RFX7: variants seen among roughly 807,000 people sequenced by gnomAD.
RFX7 encodes the protein DNA-binding protein RFX7.
RFX7 carries 26 observed loss-of-function variants against 111.8 expected under a neutral mutation model. The observed-to-expected ratio is 0.23, with a 90% CI of 0.17 to 0.32. The LOEUF (loss-of-function observed/expected upper bound fraction) is 0.32. RFX7 is among the 10% of genes least tolerant of loss of function. The probability of loss-of-function intolerance (pLI) is 1.00; values close to 1 mark genes in which losing one functional copy is unlikely to be tolerated. For missense variants in RFX7, 1,573 were observed against 1,772.9 expected, an observed-to-expected ratio of 0.89 and a Z score of 2.02; for synonymous variants, 624 against 624.4, an observed-to-expected ratio of 1.00 and a Z score of 0.01.
At chr15:56,120,339 GT>G (rs2042060802) in intron 5 of RFX7, among the ~76,000 whole-genome samples, 1 of 152,170 alleles carries the variant, frequency 6.6e-6, no homozygotes, top group African/African-American at 2.4e-5. Flanking sequence ...ATTTTTGTAT[GT>G]TGATATTGTA....
chr15:56,186,605 C>G (rs2043040908), intron 2 of RFX7, among the ~76,000 whole-genome samples: 1 of 151,812 alleles, frequency 6.6e-6, no homozygotes, highest in African/African-American at 2.4e-5. Context: ...TATACATATA[C>G]TATATGTATA....
At chr15:56,187,663 T>C (rs1478758494) in intron 2 of RFX7, among the ~76,000 whole-genome samples, 1 of 152,196 alleles carries the variant, frequency 6.6e-6, no homozygotes, top group Admixed American at 6.5e-5. Flanking sequence ...AATTTCTATA[T>C]GAACTACGCC....
At chr15:56,152,624 A>G (rs1400039518) in intron 3 of RFX7, among the ~76,000 whole-genome samples, 2 of 152,184 alleles carry the variant, frequency 1.3e-5, no homozygotes, top group Non-Finnish European at 2.9e-5. Context: ...TTGACACCCT[A>G]ACATCAAAAT....
In RFX7 at chr15:56,203,746, G is replaced by A. The variant is rs538668109; in HGVS notation, c.162-24443C>T. Among the ~76,000 whole-genome samples, 5 of 152,218 alleles carry A rather than the reference G, an allele frequency of 3.3e-5. No individual in the cohort carries two copies. In the East Asian group the frequency reaches 7.7e-4, roughly 23 times the overall value. ...CACCATGACAGTTTACAAATGCCAC[G>A]GCAATGTCAGGAAGTTACCCTATAT... On this transcript the variant is annotated intron_variant, in intron 2 of 9. Coordinates refer to ENST00000559447, the MANE Select transcript of RFX7 (RefSeq NM_022841.7).
At chr15:56,153,893 C>G (rs1419599107) in intron 3 of RFX7, among the ~76,000 whole-genome samples, 3 of 152,182 alleles carry the variant, frequency 2.0e-5, no homozygotes, top group South Asian at 2.1e-4. Flanking sequence ...TTAGAAAACC[C>G]CATCATCTCA....
chr15:56,221,222 C>T (rs1444296872), intron 2 of RFX7, among the ~76,000 whole-genome samples: 2 of 152,210 alleles, frequency 1.3e-5, no homozygotes, highest in African/African-American at 4.8e-5. Context: ...AAGAATGTCA[C>T]TGGTAGTTTG....
At chr15:56,243,341 G>GGGAA (rs1459674305) in intron 1 of RFX7, 54 bp from the exon 2 acceptor site, 1 of 998,826 alleles carries the variant, frequency 1.0e-6, no homozygotes, top group African/African-American at 1.8e-5. Context: ...GGAAGGGTGA[G>GGGAA]GGAAGAGACC....
At chr15:56,131,056 A>C (rs1051433104) in intron 5 of RFX7, among the ~76,000 whole-genome samples, 1 of 151,918 alleles carries the variant, frequency 6.6e-6, no homozygotes, top group African/African-American at 2.4e-5. Flanking sequence ...AAGAGTTCCA[A>C]TTCATTTTGC....
chr15:56,131,726 C>G (rs1311511108), intron 5 of RFX7, among the ~76,000 whole-genome samples: 2 of 152,134 alleles, frequency 1.3e-5, no homozygotes, highest in Non-Finnish European at 2.9e-5. Context: ...TACTTAACAT[C>G]AGTGAACTTA....
intron 2 of RFX7, among the ~76,000 whole-genome samples, chr15:56,219,190 G>A (rs1348252710): frequency 6.6e-6 from 1 of 151,962 alleles, no homozygotes; most frequent in East Asian, 1.9e-4. Context: ...AAATATTTAG[G>A]ATTTTATGTT....
chr15:56,183,349 TCCTA>T (rs1216521130), intron 2 of RFX7, among the ~76,000 whole-genome samples: 1 of 152,114 alleles, frequency 6.6e-6, no homozygotes, highest in Non-Finnish European at 1.5e-5. Flanking sequence ...ATTTAAGAAA[TCCTA>T]TCTAGCTAAG....
At chr15:56,243,339 G>T in intron 1 of RFX7, 52 bp from the exon 2 acceptor site, 4 of 994,182 alleles carry the variant, frequency 4.0e-6, no homozygotes, top group Non-Finnish European at 5.1e-6. Context: ...GGGGAAGGGT[G>T]AGGGAAGAGA....
intron 3 of RFX7, among the ~76,000 whole-genome samples, chr15:56,147,508 CA>C (rs2042495252): frequency 6.6e-6 from 1 of 152,092 alleles, no homozygotes; most frequent in Non-Finnish European, 1.5e-5. Flanking sequence ...TTGTACAACA[CA>C]GTTAATGTAC....
rs200011630 is a variant in RFX7 at position 56,166,746 on chromosome 15, C to G, written c.195+12524G>C. On this transcript the variant is annotated intron_variant, in intron 3 of 9. Transcript: ENST00000559447. Reference sequence around the variant, plus strand: ...TAATTGATTTCATAAACATACTTGACTATGGAACTTTTTTTTTTGGTTTAA... The same window carrying G: ...TAATTGATTTCATAAACATACTTGAGTATGGAACTTTTTTTTTTGGTTTAA... 2.0e-5 allele frequency among the ~76,000 whole-genome samples: 3 copies of G among 151,940 alleles called. No homozygotes were observed. The East Asian group carries it at 5.8e-4, about 29-fold the overall frequency.
intron 2 of RFX7, among the ~76,000 whole-genome samples, chr15:56,183,526 C>T (rs1289432694): frequency 6.6e-6 from 1 of 152,104 alleles, no homozygotes; most frequent in East Asian, 1.9e-4. Context: ...AATTTCTGTA[C>T]ACGCTTGAAT....
At chr15:56,107,296 CAAAA>C (rs56077181) in intron 5 of RFX7, among the ~76,000 whole-genome samples, 18 of 32,136 alleles carry the variant, frequency 5.6e-4, no homozygotes, top group African/African-American at 6.7e-4. Context: ...GACTCCGTCT[CAAAA>C]AAAAAAAAAA....
At chr15:56,123,137 G>A (rs1216659421) in intron 5 of RFX7, among the ~76,000 whole-genome samples, 5 of 151,984 alleles carry the variant, frequency 3.3e-5, no homozygotes, top group African/African-American at 1.2e-4. Context: ...GTCTTGCCTT[G>A]TAGCCACCAC....
intron 2 of RFX7, among the ~76,000 whole-genome samples, chr15:56,197,722 A>T (rs1329417831): frequency 2.0e-5 from 3 of 152,192 alleles, no homozygotes; most frequent in Non-Finnish European, 4.4e-5. Flanking sequence ...AGTGTGGAAA[A>T]AAAGTATTTG....
chr15:56,104,505 A>G (rs1402327576), intron 5 of RFX7, among the ~76,000 whole-genome samples: 2 of 152,208 alleles, frequency 1.3e-5, no homozygotes, highest in African/African-American at 4.8e-5. Flanking sequence ...CTCATTTAGC[A>G]TCAACCAGGA....
Sources: gnomAD v4.1 joint callset for allele counts (sites outside exome capture counted in the v4.1 genomes callset) on GRCh38, gnomAD v4.1.1 for gene constraint, MANE v1.5 for transcripts, NCBI Gene and HGNC (gene_info 2026-07-23, HGNC 2026-07-21) for gene names.